The following DOCK1 variants were observed in gnomAD, a reference collection of about 807,000 sequenced individuals.
The protein encoded by DOCK1 is dedicator of cytokinesis protein 1.
In DOCK1, 138 loss-of-function variants were observed where a neutral mutation model predicts 262.7. The ratio of observed to expected loss-of-function variants is 0.53; its 90% CI spans 0.46 to 0.61. The LOEUF is 0.61. Ranked by LOEUF, DOCK1 falls within the 20% of genes least tolerant of loss-of-function variation. The pLI is 0.00. For synonymous variants in DOCK1, 866 were observed against 867.4 expected (o/e 1.00, Z 0.03); for missense variants, 1,908 against 2,370.7 (o/e 0.80, Z 4.05).
At chr10:127,241,936 A>G (rs1233011210) in intron 27 of DOCK1, among the ~76,000 whole-genome samples, 1 of 152,160 alleles carries the variant, frequency 6.6e-6, no homozygotes, top group East Asian at 1.9e-4. Context: ...CAAAGCCATC[A>G]GCACTGTTGT....
At chr10:126,959,482 G>A (rs2037021065) in intron 1 of DOCK1, among the ~76,000 whole-genome samples, 1 of 152,152 alleles carries the variant, frequency 6.6e-6, no homozygotes, top group Admixed American at 6.6e-5. Context: ...TGTGGGGCAT[G>A]ACTTCCCAGA....
At chr10:127,246,568 C>T (rs2059437650) in intron 27 of DOCK1, among the ~76,000 whole-genome samples, 1 of 152,184 alleles carries the variant, frequency 6.6e-6, no homozygotes, top group Non-Finnish European at 1.5e-5. Context: ...TTTCCCTGAA[C>T]ACCAACTTGG....
chr10:127,361,344 G>A (rs1192364089), intron 32 of DOCK1, among the ~76,000 whole-genome samples: 2 of 152,140 alleles, frequency 1.3e-5, no homozygotes, highest in East Asian at 1.9e-4. Flanking sequence ...TCGATCTCCT[G>A]ACCTCGTGAT....
chr10:127,450,779 T>C (rs1365919625), intron 51 of DOCK1, among the ~76,000 whole-genome samples: 1 of 152,180 alleles, frequency 6.6e-6, no homozygotes, highest in African/African-American at 2.4e-5. Context: ...TTTCTGTGAA[T>C]AGTTTTCTTG....
At chr10:127,346,418 C>G (rs553128667) in intron 31 of DOCK1, among the ~76,000 whole-genome samples, 2 of 152,246 alleles carry the variant, frequency 1.3e-5, no homozygotes, top group Admixed American at 6.5e-5. Flanking sequence ...AACACAACAA[C>G]ACCCCTTTCT....
At chr10:127,227,648 T>A (rs1048316910) in intron 27 of DOCK1, among the ~76,000 whole-genome samples, 20 of 152,228 alleles carry the variant, frequency 1.3e-4, no homozygotes, top group African/African-American at 4.8e-4. Flanking sequence ...AAAGGTTTGC[T>A]TCAAGTTCGG....
chr10:127,216,897 T>A (rs1221342394), intron 27 of DOCK1, among the ~76,000 whole-genome samples: 1 of 152,168 alleles, frequency 6.6e-6, no homozygotes, highest in Non-Finnish European at 1.5e-5. Flanking sequence ...TTGTGGTGAG[T>A]ACATGTCGTG....
intron 51 of DOCK1, among the ~76,000 whole-genome samples, chr10:127,449,975 C>T (rs575486271): frequency 6.6e-6 from 1 of 152,284 alleles, no homozygotes; most frequent in East Asian, 1.9e-4. Flanking sequence ...TGGTATCAGG[C>T]TGTGTTAGTG....
chr10:127,036,003 A>AAAATAAATAAATAAAT (rs3070212), intron 18 of DOCK1, among the ~76,000 whole-genome samples: 19 of 139,108 alleles, frequency 1.4e-4, no homozygotes, highest in East Asian at 4.4e-4. Flanking sequence ...CCCTGTCTCA[A>AAAATAAATAAATAAAT]AAATAAATAA....
intron 23 of DOCK1, among the ~76,000 whole-genome samples, chr10:127,083,481 A>G (rs2047024574): frequency 6.6e-6 from 1 of 152,208 alleles, no homozygotes. Flanking sequence ...TTCGGCTATT[A>G]AAATATGAGT....
At chr10:127,068,929 C>T (rs1184173966) in intron 23 of DOCK1, among the ~76,000 whole-genome samples, 1 of 152,188 alleles carries the variant, frequency 6.6e-6, no homozygotes, top group African/African-American at 2.4e-5. Context: ...ACTTACTTAA[C>T]CAGTTTTCCA....
rs536010866 is a variant in DOCK1, at chr10:127,216,209, C to T, written c.2848-31799C>T. On this transcript the variant is annotated intron_variant, in intron 27 of 51. Coordinates refer to ENST00000623213, the MANE Select transcript of DOCK1 (RefSeq NM_001290223.2). The stretch of plus-strand genomic sequence containing the variant: ...GAGCTGCTTTAGGGAGAGCAAAAAC[C>T]TGTTTGTATCTTTCATTATATATGC... Among the ~76,000 whole-genome samples, 5 of 151,968 alleles carry T rather than the reference C, an allele frequency of 3.3e-5. No homozygotes were observed. The South Asian group carries it at 1.0e-3, about 32-fold the overall frequency.
chr10:127,251,381 A>T (rs147223216), intron 28 of DOCK1, among the ~76,000 whole-genome samples: 50,178 of 151,072 alleles, frequency 0.33, 9,586 homozygotes, highest in South Asian at 0.57. Context: ...ATTTTTTTTT[A>T]AATTTTATTA....
chr10:127,068,575 T>G (rs1279574945), intron 23 of DOCK1, among the ~76,000 whole-genome samples: 1 of 152,240 alleles, frequency 6.6e-6, no homozygotes, highest in Non-Finnish European at 1.5e-5. Flanking sequence ...AAGTAATATG[T>G]GATCTGGTTA....
chr10:126,925,262 A>G lies in DOCK1; in HGVS notation c.46+19699A>G, dbSNP rs149024653. 1.2e-3 allele frequency among the ~76,000 whole-genome samples: 178 copies of G among 152,370 alleles called. 1 individual carries two copies. Among genetic ancestry groups the G allele is most frequent in the African/African-American group, 4.2e-3 (174 of 41,586 alleles). ...CTAAAACACTTTTATTTATGCACAC[A>G]CACATATACATGTAGTTAGAGCTGG... On this transcript the variant is annotated intron_variant, in intron 1 of 51. Coordinates refer to ENST00000623213, the MANE Select transcript of DOCK1 (RefSeq NM_001290223.2).
chr10:127,239,627 A>G (rs764169772), intron 27 of DOCK1, among the ~76,000 whole-genome samples: 13 of 152,174 alleles, frequency 8.5e-5, no homozygotes, highest in African/African-American at 1.9e-4. Flanking sequence ...AAAAACACGT[A>G]TAGACATATT....
intron 27 of DOCK1, among the ~76,000 whole-genome samples, chr10:127,138,807 C>A (rs1340796634): frequency 6.6e-6 from 1 of 152,202 alleles, no homozygotes; most frequent in African/African-American, 2.4e-5. Flanking sequence ...GATTTTTGAA[C>A]TATGTTATTT....
intron 27 of DOCK1, among the ~76,000 whole-genome samples, chr10:127,145,140 C>T (rs2051679299): frequency 6.6e-6 from 1 of 152,082 alleles, no homozygotes; most frequent in Non-Finnish European, 1.5e-5. Flanking sequence ...TGGAGTGCAC[C>T]TGCGGCTCTG....
At chr10:127,345,789 C>G (rs1298171408) in intron 31 of DOCK1, among the ~76,000 whole-genome samples, 1 of 152,166 alleles carries the variant, frequency 6.6e-6, no homozygotes, top group Admixed American at 6.5e-5. Flanking sequence ...ACTGGCTCAG[C>G]AGGGGCGCAG....
Sources: allele counts gnomAD v4.1 joint callset (sites outside exome capture counted in the v4.1 genomes callset), GRCh38; gene constraint gnomAD v4.1.1; transcripts MANE v1.5; gene names NCBI Gene and HGNC (gene_info 2026-07-23, HGNC 2026-07-21).